Variants in TMCC1 observed in about 807,000 individuals in gnomAD.
TMCC1 encodes transmembrane and coiled-coil domain family 1, also known as transmembrane and coiled-coil domains protein 1.
A neutral mutation model predicts 52.4 loss-of-function variants in TMCC1; 15 were observed. That is an observed-to-expected ratio of 0.29 (90% confidence interval 0.19 to 0.44). The LOEUF is 0.44. TMCC1 is among the 20% of genes least tolerant of loss of function. The probability of loss-of-function intolerance (pLI) is 1.00; values close to 1 mark genes in which losing one functional copy is unlikely to be tolerated. For synonymous variants in TMCC1, 279 were observed against 301.9 expected (o/e 0.92, Z 0.79); for missense variants, 503 against 806.0 (o/e 0.62, Z 4.55).
intron 2 of TMCC1, among the ~76,000 whole-genome samples, chr3:129,860,239 G>A (rs1351350603): frequency 6.6e-6 from 1 of 151,506 alleles, no homozygotes. Flanking sequence ...TTAAGTGAGT[G>A]GAATTTTTTT....
In TMCC1 at chr3:129,780,909, T is replaced by C. The variant is rs1403521949; in HGVS notation, c.576+46894A>G. Among the ~76,000 whole-genome samples the C allele has an allele frequency of 2.0e-5, 3 of 152,162 alleles. No individual in the cohort carries two copies. In the East Asian group the frequency reaches 5.8e-4, roughly 29 times the overall value. On this transcript the variant is annotated intron_variant, in intron 4 of 6. Coordinates refer to ENST00000393238, the MANE Select transcript of TMCC1 (RefSeq NM_001017395.5). Reference sequence around the variant, plus strand: ...ATGATAGCCACTAACTACAGGTTGCTAGTTAAATTAAAATAAAAATTAAGC... The same window carrying C: ...ATGATAGCCACTAACTACAGGTTGCCAGTTAAATTAAAATAAAAATTAAGC...
intron 2 of TMCC1, among the ~76,000 whole-genome samples, chr3:129,834,767 G>C (rs571537588): frequency 6.6e-6 from 1 of 152,280 alleles, no homozygotes; most frequent in South Asian, 2.1e-4. Flanking sequence ...GAGTCAACAG[G>C]AATTCCTCAT....
At chr3:129,684,348 G>GT (rs1344973731) in intron 4 of TMCC1, among the ~76,000 whole-genome samples, 1 of 152,218 alleles carries the variant, frequency 6.6e-6, no homozygotes, top group Non-Finnish European at 1.5e-5. Context: ...TACTTAAATG[G>GT]TAAGGATCCA....
chr3:129,846,201 C>T (rs1217499952), intron 2 of TMCC1, among the ~76,000 whole-genome samples: 1 of 151,936 alleles, frequency 6.6e-6, no homozygotes, highest in South Asian at 2.1e-4. Context: ...CTACTGTAAT[C>T]CCAGCACTTT....
intron 2 of TMCC1, among the ~76,000 whole-genome samples, chr3:129,859,136 T>C (rs1023746767): frequency 3.3e-5 from 5 of 152,314 alleles, no homozygotes; most frequent in South Asian, 2.1e-4. Context: ...GACATAAACA[T>C]TGCAAAATTC....
intron 4 of TMCC1, among the ~76,000 whole-genome samples, chr3:129,734,292 GAA>G (rs542488754): frequency 3.9e-5 from 6 of 152,250 alleles, no homozygotes; most frequent in East Asian, 1.9e-4. Flanking sequence ...GATATCAAGT[GAA>G]AAGAGTAAAG....
intron 4 of TMCC1, among the ~76,000 whole-genome samples, chr3:129,735,508 G>A (rs2050881625): frequency 6.6e-6 from 1 of 151,982 alleles, no homozygotes; most frequent in Admixed American, 6.6e-5. Flanking sequence ...AAATAGCCAG[G>A]TGTTGTGGCA....
intron 5 of TMCC1, among the ~76,000 whole-genome samples, chr3:129,662,967 C>A (rs976990729): frequency 6.6e-6 from 1 of 152,150 alleles, no homozygotes; most frequent in African/African-American, 2.4e-5. Context: ...AGATGAAATT[C>A]ATCCCCCACT....
chr3:129,730,967 A>G (rs72985328), intron 4 of TMCC1, among the ~76,000 whole-genome samples: 14,767 of 152,282 alleles, frequency 0.097, 844 homozygotes, highest in African/African-American at 0.16. Flanking sequence ...AATTCTATAC[A>G]ATCTGTTCCA....
At chr3:129,732,306 C>T (rs1331255641) in intron 4 of TMCC1, among the ~76,000 whole-genome samples, 2 of 152,082 alleles carry the variant, frequency 1.3e-5, no homozygotes, top group African/African-American at 4.8e-5. Context: ...TGCACTGTTC[C>T]CCAGCCAGAA....
chr3:129,672,605 A>G (rs1163534208), intron 4 of TMCC1, among the ~76,000 whole-genome samples: 1 of 152,182 alleles, frequency 6.6e-6, no homozygotes, highest in Non-Finnish European at 1.5e-5. Flanking sequence ...GTCTCTAAAA[A>G]TAAAAAAACA....
At chr3:129,729,815 T>C (rs1399993808) in intron 4 of TMCC1, among the ~76,000 whole-genome samples, 4 of 150,676 alleles carry the variant, frequency 2.7e-5, no homozygotes, top group Non-Finnish European at 4.4e-5. Flanking sequence ...GCCTATTTCA[T>C]AAAAAGGAAT....
chr3:129,692,291 C>A (rs553467343), intron 4 of TMCC1, among the ~76,000 whole-genome samples: 1 of 152,260 alleles, frequency 6.6e-6, no homozygotes, highest in African/African-American at 2.4e-5. Context: ...TGCTGACAAG[C>A]TTTTTATATC....
chr3:129,788,748 G>A (rs775023275), intron 4 of TMCC1, among the ~76,000 whole-genome samples: 2 of 151,774 alleles, frequency 1.3e-5, no homozygotes, highest in Admixed American at 6.6e-5. Context: ...GATTACAGGC[G>A]TGAGCCACCA....
chr3:129,768,060 G>A (rs1560375592), intron 4 of TMCC1, among the ~76,000 whole-genome samples: 1 of 152,166 alleles, frequency 6.6e-6, no homozygotes, highest in African/African-American at 2.4e-5. Context: ...ATGGTGGTAT[G>A]CATCTGTAGT....
At chr3:129,683,895 A>G (rs1469981173) in intron 4 of TMCC1, among the ~76,000 whole-genome samples, 1 of 152,206 alleles carries the variant, frequency 6.6e-6, no homozygotes, top group African/African-American at 2.4e-5. Flanking sequence ...AAAATATAAA[A>G]TCTTCGGCAA....
At chr3:129,888,852 T>C (rs2061838212) in intron 1 of TMCC1, among the ~76,000 whole-genome samples, 1 of 152,190 alleles carries the variant, frequency 6.6e-6, no homozygotes, top group Admixed American at 6.5e-5. Flanking sequence ...ATACTGGTAG[T>C]ATACATCCCT....
chr3:129,893,645 C>T lies in TMCC1; in HGVS notation c.-586G>A, dbSNP rs2062091929. 1 of 151,906 alleles carries T rather than the reference C, an allele frequency of 6.6e-6. No homozygotes were observed. Among genetic ancestry groups the T allele is most frequent in the Non-Finnish European group, 1.5e-5 (1 of 67,960 alleles). The allele number at this position is 151,906 out of a possible 1,614,324, so 9.4% of individuals were successfully genotyped here. ...CCCCCCGCGCCGCCTCAGCCGCCGC[C>T]GCCTCAGTCACCGCCACCGCCGCCG... On this transcript the variant is annotated 5_prime_UTR_variant, in exon 1 of 7. Coordinates refer to ENST00000393238, the MANE Select transcript of TMCC1 (RefSeq NM_001017395.5).
intron 2 of TMCC1, among the ~76,000 whole-genome samples, chr3:129,849,631 TGGCGG>T (rs2059823014): frequency 6.6e-6 from 1 of 151,584 alleles, no homozygotes; most frequent in Non-Finnish European, 1.5e-5. Context: ...CCGGGGGTGG[TGGCGG>T]GCACCTGTAG....
Sources: gnomAD v4.1 joint callset for allele counts (sites outside exome capture counted in the v4.1 genomes callset) on GRCh38, gnomAD v4.1.1 for gene constraint, MANE v1.5 for transcripts, NCBI Gene and HGNC (gene_info 2026-07-23, HGNC 2026-07-21) for gene names.